The following CBLB variants were observed in gnomAD, a reference collection of about 807,000 sequenced individuals.
The protein encoded by CBLB is E3 ubiquitin-protein ligase CBL-B.
In CBLB, 31 loss-of-function variants were observed where a neutral mutation model predicts 104.9. That is an observed-to-expected ratio of 0.30 (90% CI 0.22 to 0.40). CBLB has a LOEUF of 0.40. CBLB is among the 10% of genes least tolerant of loss of function. The probability of loss-of-function intolerance (pLI) is 1.00; values close to 1 mark genes in which losing one functional copy is unlikely to be tolerated. For synonymous variants in CBLB, 440 were observed against 422.6 expected, an observed-to-expected ratio of 1.04 and a Z score of -0.51; for missense variants, 1,062 against 1,214.6, an observed-to-expected ratio of 0.87 and a Z score of 1.87.
intron 3 of CBLB, among the ~76,000 whole-genome samples, chr3:105,827,970 T>G (rs2086846890): frequency 6.6e-6 from 1 of 152,218 alleles, no homozygotes; most frequent in African/African-American, 2.4e-5. Context: ...ATACACAGTT[T>G]TGGCTAAGTG....
In CBLB at chr3:105,782,438, C is replaced by A. The variant is rs540961866; in HGVS notation, c.420-5896G>T. On this transcript the variant is annotated intron_variant, in intron 3 of 18. Coordinates refer to ENST00000394030, the MANE Select transcript of CBLB (RefSeq NM_170662.5). ...ATTCCAAAAAACTACACTGAACTGG[C>A]AACTAAAGGAAGATCTTACATTTCC... 5.3e-5 allele frequency among the ~76,000 whole-genome samples: 8 copies of A among 152,262 alleles called. No individual in the cohort carries two copies. The South Asian group carries it at 1.7e-3, about 32-fold the overall frequency.
At chr3:105,823,366 G>A (rs2086143173) in intron 3 of CBLB, among the ~76,000 whole-genome samples, 1 of 152,132 alleles carries the variant, frequency 6.6e-6, no homozygotes, top group South Asian at 2.1e-4. Context: ...AGGGCGAGAA[G>A]GGATGGCTTC....
intron 3 of CBLB, among the ~76,000 whole-genome samples, chr3:105,826,814 T>C (rs1483076292): frequency 6.6e-6 from 1 of 152,170 alleles, no homozygotes; most frequent in East Asian, 1.9e-4. Flanking sequence ...GATGTGGTAT[T>C]AGAGGATTTT....
Position 105,868,854 on chromosome 3 carries a change from C to T in CBLB, c.-133G>A. 1 of 1,010,704 alleles carries T rather than the reference C, an allele frequency of 9.9e-7. No homozygotes were observed. Among genetic ancestry groups the T allele is most frequent in the South Asian group, 4.0e-5 (1 of 25,096 alleles). 62.6% of individuals were successfully genotyped at this position (1,010,704 alleles called of 1,614,324 possible). A position where few individuals can be genotyped will look rare whatever the true frequency, so the allele number is the denominator to read the frequency against. On this transcript the variant is annotated 5_prime_UTR_variant, in exon 1 of 19. Transcript: ENST00000394030. ...GTGGGATCGCTGAGAACAGCTCGCT[C>T]CCGAAGAAGGAGCAACCCAGCGCGC...
chr3:105,838,930 A>T lies in CBLB; in HGVS notation c.419+14484T>A, dbSNP rs140597015. ...CACGCCCGGCCCCCTCTTCTAAGTG[A>T]CTCGAGACTGGAAGTGGATTCCTCT... On this transcript the variant is annotated intron_variant, in intron 3 of 18. Transcript: ENST00000394030. Among the ~76,000 whole-genome samples, 331 of 152,100 alleles carry T rather than the reference A, an allele frequency of 2.2e-3. 3 individuals carry two copies. The Middle Eastern group carries it at 0.034, about 16-fold the overall frequency.
chr3:105,756,179 A>G (rs1393998698), intron 4 of CBLB, among the ~76,000 whole-genome samples: 2 of 152,216 alleles, frequency 1.3e-5, no homozygotes, highest in Non-Finnish European at 2.9e-5. Flanking sequence ...AGAAGAATCA[A>G]TGAAAACCAC....
At chr3:105,851,636 C>T (rs1238312859) in intron 3 of CBLB, among the ~76,000 whole-genome samples, 1 of 152,180 alleles carries the variant, frequency 6.6e-6, no homozygotes, top group African/African-American at 2.4e-5. Flanking sequence ...TTTATGGGAA[C>T]TGTAATTTCT....
chr3:105,749,423 A>G (rs2076397942), intron 5 of CBLB, among the ~76,000 whole-genome samples: 1 of 152,222 alleles, frequency 6.6e-6, no homozygotes, highest in Admixed American at 6.5e-5. Flanking sequence ...TATTCCTTAG[A>G]GTATTAAGGT....
At chr3:105,740,691 A>C in intron 6 of CBLB, 60 bp from the exon 7 acceptor site, 1 of 1,412,576 alleles carries the variant, frequency 7.1e-7, no homozygotes. Flanking sequence ...ATACTAAACA[A>C]TTTGTTAGGT....
At chr3:105,700,925 T>G (rs973869577) in intron 12 of CBLB, among the ~76,000 whole-genome samples, 1 of 152,172 alleles carries the variant, frequency 6.6e-6, no homozygotes. Context: ...CTCACCAACT[T>G]TAACCATTAT....
intron 4 of CBLB, among the ~76,000 whole-genome samples, chr3:105,753,712 T>C (rs540202331): frequency 3.9e-5 from 6 of 152,172 alleles, no homozygotes; most frequent in Non-Finnish European, 8.8e-5. Context: ...GTATAACATA[T>C]AAAGTTTTTT....
chr3:105,698,829 C>T (rs1167331009), intron 12 of CBLB, among the ~76,000 whole-genome samples: 1 of 152,062 alleles, frequency 6.6e-6, no homozygotes, highest in African/African-American at 2.4e-5. Flanking sequence ...TCTCCCCTTT[C>T]TCTTCACCCG....
chr3:105,719,445 G>A (rs1294178205), intron 10 of CBLB, among the ~76,000 whole-genome samples: 1 of 152,158 alleles, frequency 6.6e-6, no homozygotes, highest in Non-Finnish European at 1.5e-5. Context: ...TGACATTTCG[G>A]TAATGGACCA....
chr3:105,829,384 T>C (rs1470271574), intron 3 of CBLB, among the ~76,000 whole-genome samples: 2 of 152,038 alleles, frequency 1.3e-5, no homozygotes, highest in African/African-American at 4.8e-5. Flanking sequence ...ATCAGCTGGG[T>C]GTGGTGACTC....
At chr3:105,859,571 C>T (rs577998250) in intron 2 of CBLB, among the ~76,000 whole-genome samples, 3 of 149,788 alleles carry the variant, frequency 2.0e-5, no homozygotes, top group Admixed American at 6.8e-5. Flanking sequence ...AGGAGAATGG[C>T]GTGAACCCAG....
intron 13 of CBLB, among the ~76,000 whole-genome samples, chr3:105,690,122 C>T (rs754281388): frequency 2.6e-5 from 4 of 152,028 alleles, no homozygotes; most frequent in Non-Finnish European, 5.9e-5. Flanking sequence ...TTTATAACAA[C>T]ATAGTATAAA....
At chr3:105,804,394 G>A (rs113253334) in intron 3 of CBLB, among the ~76,000 whole-genome samples, 179 of 151,962 alleles carry the variant, frequency 1.2e-3, no homozygotes, top group African/African-American at 4.1e-3. Context: ...GGTGGCAGGC[G>A]CCTGTGATCT....
chr3:105,797,023 T>C (rs2082324421), intron 3 of CBLB, among the ~76,000 whole-genome samples: 1 of 152,188 alleles, frequency 6.6e-6, no homozygotes, highest in Admixed American at 6.5e-5. Context: ...GTGAAAGCAA[T>C]CTTGATTACT....
chr3:105,716,617 C>T (rs1370564419), intron 10 of CBLB, among the ~76,000 whole-genome samples: 1 of 152,130 alleles, frequency 6.6e-6, no homozygotes, highest in Non-Finnish European at 1.5e-5. Flanking sequence ...ATAAAAGTCA[C>T]AATCAGTTTA....
Sources: allele counts gnomAD v4.1 joint callset (sites outside exome capture counted in the v4.1 genomes callset), GRCh38; gene constraint gnomAD v4.1.1; transcripts MANE v1.5; gene names NCBI Gene and HGNC (gene_info 2026-07-23, HGNC 2026-07-21).